Variants in OPCML observed in about 807,000 individuals in gnomAD.
OPCML encodes the protein opioid-binding protein/cell adhesion molecule.
OPCML carries 13 observed loss-of-function variants against 37.8 expected under a neutral mutation model. The observed-to-expected ratio is 0.34, with a 90% CI of 0.22 to 0.55. The LOEUF (loss-of-function observed/expected upper bound fraction) is 0.55, where lower values mean the gene tolerates loss of function less well. OPCML is among the 20% of genes least tolerant of loss of function. The probability of loss-of-function intolerance (pLI) is 0.91; values close to 1 mark genes in which losing one functional copy is unlikely to be tolerated. For synonymous variants in OPCML, 176 were observed against 168.8 expected (o/e 1.04, Z -0.33); for missense variants, 341 against 435.6 (o/e 0.78, Z 1.93).
intron 2 of OPCML, among the ~76,000 whole-genome samples, chr11:132,687,882 G>C (rs545902097): frequency 6.6e-6 from 1 of 152,110 alleles, no homozygotes; most frequent in East Asian, 1.9e-4. Flanking sequence ...CTAAATGTTT[G>C]GTATAAAACA....
At chr11:132,616,468 T>C (rs528851706) in intron 3 of OPCML, among the ~76,000 whole-genome samples, 3 of 152,348 alleles carry the variant, frequency 2.0e-5, no homozygotes, top group East Asian at 3.9e-4. Context: ...TCATATCTAT[T>C]ACCTGTGCTA....
chr11:132,705,176 G>A (rs895934646), intron 2 of OPCML, among the ~76,000 whole-genome samples: 3 of 152,094 alleles, frequency 2.0e-5, no homozygotes, highest in Non-Finnish European at 4.4e-5. Context: ...AGTGTTGGAG[G>A]TGGGGCCTGC....
chr11:132,452,615 TCCTTCCTTCTTG>T (rs1565574744), intron 4 of OPCML, among the ~76,000 whole-genome samples: 3 of 151,796 alleles, frequency 2.0e-5, no homozygotes, highest in East Asian at 3.9e-4. Flanking sequence ...CTTCCTACTT[TCCTTCCTTCTTG>T]CCTTCCTTCC....
intron 4 of OPCML, among the ~76,000 whole-genome samples, chr11:132,484,756 A>C (rs560807826): frequency 0.014 from 2,091 of 152,238 alleles, 25 homozygotes; most frequent in Middle Eastern, 0.031. Context: ...TGATGAGTTC[A>C]TGTCCTTTGT....
intron 7 of OPCML, chr11:132,435,158 C>A: frequency 7.8e-7 from 1 of 1,287,262 alleles, no homozygotes; most frequent in Non-Finnish European, 1.0e-6. Flanking sequence ...GCTGTACCCA[C>A]CTGCCACTGC....
intron 3 of OPCML, among the ~76,000 whole-genome samples, chr11:132,641,251 G>A (rs1047840580): frequency 6.6e-6 from 1 of 152,156 alleles, no homozygotes; most frequent in African/African-American, 2.4e-5. Context: ...TGTTCCTTAA[G>A]GACGTCAATG....
chr11:132,484,275 C>T (rs1236057218), intron 4 of OPCML, among the ~76,000 whole-genome samples: 1 of 152,198 alleles, frequency 6.6e-6, no homozygotes, highest in East Asian at 1.9e-4. Flanking sequence ...ACAGACACTT[C>T]TCAAAAGAAG....
intron 2 of OPCML, among the ~76,000 whole-genome samples, chr11:132,786,790 T>C (rs1947227546): frequency 6.6e-6 from 1 of 152,186 alleles, no homozygotes; most frequent in Non-Finnish European, 1.5e-5. Flanking sequence ...TTTATAAGTA[T>C]TGCTTATCTT....
At chr11:133,180,927 AG>A (rs1937796992) in intron 1 of OPCML, among the ~76,000 whole-genome samples, 1 of 152,038 alleles carries the variant, frequency 6.6e-6, no homozygotes, top group East Asian at 1.9e-4. Flanking sequence ...AGTGTTATGT[AG>A]CAACTTTATT....
chr11:133,188,666 G>T (rs1938186623), intron 1 of OPCML, among the ~76,000 whole-genome samples: 1 of 152,162 alleles, frequency 6.6e-6, no homozygotes, highest in African/African-American at 2.4e-5. Context: ...AGAGTTTGGG[G>T]AAGAAATATA....
intron 1 of OPCML, among the ~76,000 whole-genome samples, chr11:133,369,235 G>A (rs1215338299): frequency 6.6e-6 from 1 of 152,186 alleles, no homozygotes; most frequent in East Asian, 1.9e-4. Context: ...GAATTATCAT[G>A]TTATGCATAG....
intron 1 of OPCML, among the ~76,000 whole-genome samples, chr11:133,256,672 T>C (rs1291502706): frequency 1.3e-5 from 2 of 152,170 alleles, no homozygotes; most frequent in African/African-American, 2.4e-5. Flanking sequence ...CTTTTTCCCA[T>C]TTACAGCTGT....
intron 2 of OPCML, among the ~76,000 whole-genome samples, chr11:132,713,198 A>G (rs932415449): frequency 2.0e-5 from 3 of 152,226 alleles, no homozygotes; most frequent in Admixed American, 6.5e-5. Flanking sequence ...TTATAATGAC[A>G]CGACGCTTCG....
chr11:133,345,898 A>G (rs564447886), intron 1 of OPCML, among the ~76,000 whole-genome samples: 1 of 152,278 alleles, frequency 6.6e-6, no homozygotes, highest in Non-Finnish European at 1.5e-5. Context: ...GCTGCAATGA[A>G]CACAGGCACT....
At chr11:132,458,068 T>C (rs746839368) in intron 4 of OPCML, among the ~76,000 whole-genome samples, 2 of 152,028 alleles carry the variant, frequency 1.3e-5, no homozygotes, top group African/African-American at 2.4e-5. Context: ...TGGGGAGATA[T>C]GTGGGAAAGA....
intron 1 of OPCML, among the ~76,000 whole-genome samples, chr11:133,410,919 T>G (rs1592274486): frequency 6.6e-6 from 1 of 152,122 alleles, no homozygotes; most frequent in East Asian, 1.9e-4. Context: ...GACCACCCAT[T>G]CCAATGACCT....
chr11:133,034,265 C>CCAGTGT (rs1947727604), intron 1 of OPCML, among the ~76,000 whole-genome samples: 1 of 150,934 alleles, frequency 6.6e-6, no homozygotes. Context: ...TACCCAAAGG[C>CCAGTGT]CAGTGTCATT....
chr11:132,801,289 G>C (rs114081879), intron 2 of OPCML, among the ~76,000 whole-genome samples: 1 of 152,204 alleles, frequency 6.6e-6, no homozygotes, highest in East Asian at 1.9e-4. Context: ...TCCCAGTCTA[G>C]CTAAAGGCTT....
At chr11:133,124,173 G>A (rs1314675762) in intron 1 of OPCML, among the ~76,000 whole-genome samples, 3 of 149,770 alleles carry the variant, frequency 2.0e-5, no homozygotes, top group Non-Finnish European at 3.0e-5. Context: ...AGGAAATTTA[G>A]AAAAAAAAAA....
Sources: gnomAD v4.1 joint callset for allele counts (sites outside exome capture counted in the v4.1 genomes callset) on GRCh38, gnomAD v4.1.1 for gene constraint, MANE v1.5 for transcripts, NCBI Gene and HGNC (gene_info 2026-07-23, HGNC 2026-07-21) for gene names.